The following RBM33 variants were observed in gnomAD, a reference collection of about 807,000 sequenced individuals.
RBM33 encodes RNA-binding protein 33.
RBM33 carries 28 observed loss-of-function variants against 132.6 expected under a neutral mutation model. The observed-to-expected ratio is 0.21, with a 90% CI of 0.16 to 0.29. RBM33 has a LOEUF of 0.29. RBM33 is among the 10% of genes least tolerant of loss of function. The pLI, the probability that RBM33 is intolerant of heterozygous loss-of-function variation, is 1.00. For missense variants in RBM33, 1,291 were observed against 1,518.5 expected (o/e 0.85, Z 2.49); for synonymous variants, 634 against 593.0 (o/e 1.07, Z -1.01).
chr7:155,644,905 G>T lies in RBM33; in HGVS notation c.29G>T (p.Gly10Val). 1 of 1,500,796 alleles carries T rather than the reference G, an allele frequency of 6.7e-7. No individual in the cohort carries two copies. Among genetic ancestry groups the T allele is most frequent in the East Asian group, 2.8e-5 (1 of 36,018 alleles). The allele number at this position is 1,500,796 out of a possible 1,614,324, so 93.0% of individuals were successfully genotyped here. ...GCGGCCGCCCTGGGAGCGAGCGGAG[G>T]AGCAGGCGCCGGAGGTACGTGAGGC... The part of the protein sequence containing the change: MAAALGASG[G>V]AGAGDDDFDQ... Residue 10 changes from glycine (G) to valine (V), a missense_variant, in exon 1 of 18, where the codon GGA (glycine) becomes GTA (valine). This residue lies in a region of RBM33 where 194 missense variants were observed against 249.8 expected (regional missense o/e 0.78). Coordinates refer to ENST00000401878, the MANE Select transcript of RBM33 (RefSeq NM_053043.3).
At position 155,739,771 on chromosome 7, in the gene RBM33, G is replaced by T; in HGVS notation, c.1794G>T (p.Gln598His). 1 of 1,541,262 alleles carries T rather than the reference G, an allele frequency of 6.5e-7. No individual in the cohort carries two copies. Residue 598 changes from glutamine (Q) to histidine (H), a missense_variant, in exon 12 of 18, where the codon CAG becomes CAT. By Grantham distance (24) the Gln-to-His change is conservative. This residue lies in a region of RBM33 where 841 missense variants were observed against 912.0 expected (regional missense o/e 0.92). Transcript: ENST00000401878. ...ATCAGCCTCAGCCTCAGCAACCTCA[G>T]CAACAGCCCCCGCCACAGCACCAGC... Reference protein sequence around the residue: ...PPHQPQPQQPQQQPPPQHQPP... With the variant: ...PPHQPQPQQPHQQPPPQHQPP...
intron 9 of RBM33, among the ~76,000 whole-genome samples, chr7:155,731,279 T>A (rs1019923679): frequency 6.6e-6 from 1 of 152,256 alleles, no homozygotes; most frequent in Non-Finnish European, 1.5e-5. Context: ...TGGCCAGTGC[T>A]GTGGTGCCCA....
In RBM33 at chr7:155,745,176, A is replaced by T; in HGVS notation, c.2553A>T (p.Ser851=). 6.2e-7 allele frequency: 1 copy of T among 1,610,244 alleles called. No homozygotes were observed. The highest frequency in any genetic ancestry group is 8.5e-7 in the Non-Finnish European group (1 of 1,178,212). Reference sequence around the variant, plus strand: ...AGGAAGAGCAGGCACTGTCACCATCACCCACCAACGGTAACCCACTGTTGC... The same window carrying T: ...AGGAAGAGCAGGCACTGTCACCATCTCCCACCAACGGTAACCCACTGTTGC... ...AEQEEQALSP[S]PTNGNPLLPF... The change falls in exon 14 of 18, where the codon TCA becomes TCT. Residue 851 remains serine, a synonymous_variant. Coordinates refer to ENST00000401878, the MANE Select transcript of RBM33 (RefSeq NM_053043.3). The surrounding 1 kb of genome is among the most constrained non-coding windows in gnomAD (Gnocchi z 4.1).
chr7:155,660,684 C>T (rs573846952), intron 1 of RBM33, among the ~76,000 whole-genome samples: 2 of 152,170 alleles, frequency 1.3e-5, no homozygotes, highest in South Asian at 2.1e-4. Context: ...TCTTTGGCTT[C>T]GAAACATTTT....
chr7:155,702,121 C>G (rs1443643653), intron 6 of RBM33, among the ~76,000 whole-genome samples: 1 of 152,206 alleles, frequency 6.6e-6, no homozygotes, highest in Non-Finnish European at 1.5e-5. Flanking sequence ...TGCCTGCCAT[C>G]TGGTCTTGGT....
intron 8 of RBM33, among the ~76,000 whole-genome samples, chr7:155,712,766 G>A (rs763353705): frequency 2.7e-4 from 41 of 152,252 alleles, no homozygotes; most frequent in Non-Finnish European, 8.8e-5. Context: ...AGTGATCAAA[G>A]CAGAGAAGAA....
At position 155,738,137 on chromosome 7, in the gene RBM33, C is replaced by A; in HGVS notation, c.1471C>A (p.Leu491Ile). 3 of 1,614,006 alleles carry A rather than the reference C, an allele frequency of 1.9e-6. No homozygotes were observed. In the South Asian group the frequency reaches 3.3e-5, roughly 18 times the overall value. The change falls in exon 11 of 18, where the codon CTT becomes ATT. Residue 491 changes from leucine to isoleucine, a missense_variant. Leu to Ile is a conservative substitution (Grantham distance 5, BLOSUM62 2). This residue lies in a region of RBM33 where 841 missense variants were observed against 912.0 expected (regional missense o/e 0.92). Coordinates refer to ENST00000401878, the MANE Select transcript of RBM33 (RefSeq NM_053043.3). ...CCCTCCACCACCACCGCCTCCTACC[C>A]TTCTTAACAGTAGCCATCCTGTTCC... ...SPPPPPPPPTLLNSSHPVPTQ... is the reference protein window; with the variant it reads ...SPPPPPPPPTILNSSHPVPTQ...
chr7:155,678,960 TC>T (rs1246712047), intron 4 of RBM33, among the ~76,000 whole-genome samples: 2 of 151,924 alleles, frequency 1.3e-5, no homozygotes, highest in Admixed American at 1.3e-4. Flanking sequence ...TCACTTGAGG[TC>T]AGGAGTTTGA....
At chr7:155,723,722 C>G (rs1214513658) in intron 9 of RBM33, among the ~76,000 whole-genome samples, 1 of 152,186 alleles carries the variant, frequency 6.6e-6, no homozygotes, top group Admixed American at 6.5e-5. Flanking sequence ...GCTAATTAGT[C>G]AAAGGCCAGG....
rs749673228 is a variant in RBM33 at position 155,745,325 on chromosome 7, A to C, written c.2702A>C (p.Gln901Pro). Reference sequence around the variant, plus strand: ...TTTGTACCATCCAGTGCCAACATGCAGTATCAAGGACAACAGATGAAAGCA... The same window carrying C: ...TTTGTACCATCCAGTGCCAACATGCCGTATCAAGGACAACAGATGAAAGCA... Reference protein sequence around the residue: ...SNFVPSSANMQYQGQQMKALK... With the variant: ...SNFVPSSANMPYQGQQMKALK... The change falls in exon 14 of 18, where the codon CAG (glutamine) becomes CCG (proline). Residue 901 changes from glutamine (Q) to proline (P), a missense_variant. Gln to Pro is a moderately conservative substitution (Grantham distance 76). Transcript: ENST00000401878. The surrounding 1 kb of genome is among the most constrained non-coding windows in gnomAD (Gnocchi z 4.1). 1.1e-5 allele frequency: 18 copies of C among 1,613,250 alleles called. No homozygotes were observed. The highest frequency in any genetic ancestry group is 1.7e-6 in the Non-Finnish European group (2 of 1,179,500).
intron 12 of RBM33, among the ~76,000 whole-genome samples, chr7:155,740,907 AAG>A (rs1421938608): frequency 6.6e-6 from 1 of 152,004 alleles, no homozygotes. Flanking sequence ...TTTTTAGAAA[AAG>A]AGACACAGTG....
rs1267003597 is a variant in RBM33, at chr7:155,775,197, T to A, written c.*156T>A. The A allele has an allele frequency of 1.4e-6, 1 of 737,110 alleles. No homozygotes were observed. Among genetic ancestry groups the A allele is most frequent in the East Asian group, 2.7e-5 (1 of 37,566 alleles). The allele number at this position is 737,110 out of a possible 1,614,324, so 45.7% of individuals were successfully genotyped here. Reference sequence around the variant, plus strand: ...GAGCGCCAGCCAGCCACGGGCCTGATTCCAGAGGAGCCGAACTGACAGGAC... The same window carrying A: ...GAGCGCCAGCCAGCCACGGGCCTGAATCCAGAGGAGCCGAACTGACAGGAC... On this transcript the variant is annotated 3_prime_UTR_variant, in exon 18 of 18. Transcript: ENST00000401878.
chr7:155,696,007 G>A (rs916399459), intron 5 of RBM33, among the ~76,000 whole-genome samples: 13 of 152,082 alleles, frequency 8.5e-5, no homozygotes, highest in Non-Finnish European at 1.2e-4. Flanking sequence ...ACTATTTGTT[G>A]TAATGACTTT....
At chr7:155,670,714 T>C (rs1798921716) in intron 2 of RBM33, among the ~76,000 whole-genome samples, 2 of 152,188 alleles carry the variant, frequency 1.3e-5, no homozygotes, top group Admixed American at 6.5e-5. Flanking sequence ...GGCACAGAAG[T>C]GCATTGAGCG....
intron 2 of RBM33, among the ~76,000 whole-genome samples, chr7:155,668,352 G>T (rs1487173630): frequency 6.6e-6 from 1 of 152,100 alleles, no homozygotes; most frequent in East Asian, 1.9e-4. Flanking sequence ...TGCAATTTTT[G>T]TTGAAGAAGC....
At chr7:155,766,784 A>G (rs1191392979) in intron 16 of RBM33, 129 bp downstream of exon 16, 3 of 893,426 alleles carry the variant, frequency 3.4e-6, no homozygotes, top group African/African-American at 3.4e-5. Flanking sequence ...GAAGTAAGAC[A>G]AATAACCTGT....
intron 7 of RBM33, among the ~76,000 whole-genome samples, chr7:155,710,360 G>C (rs1800246416): frequency 1.3e-5 from 2 of 152,170 alleles, no homozygotes; most frequent in South Asian, 4.1e-4. Context: ...TAGTTTATAG[G>C]ATTGTGGGGA....
At position 155,774,435 on chromosome 7, in the gene RBM33, T is replaced by C; in HGVS notation, c.3376-124T>C. ...CAGGGAGCTAGAAAGGAAAATCAATTAGTGTGTTCCAAATGTCCGCCTGGA... is the reference window on the plus strand; with the variant it reads ...CAGGGAGCTAGAAAGGAAAATCAATCAGTGTGTTCCAAATGTCCGCCTGGA... On this transcript the variant is annotated intron_variant, in intron 16 of 17. Transcript: ENST00000401878. This position sits in a 1 kb window ranked among gnomAD's most constrained non-coding sequence, Gnocchi z 4.2. 1.5e-6 allele frequency: 1 copy of C among 660,602 alleles called. No homozygotes were observed. Among genetic ancestry groups the C allele is most frequent in the Non-Finnish European group, 2.6e-6 (1 of 385,874 alleles). The allele number at this position is 660,602 out of a possible 1,614,324, so 40.9% of individuals were successfully genotyped here. A position where few individuals can be genotyped will look rare whatever the true frequency, so the allele number is the denominator to read the frequency against.
intron 14 of RBM33, among the ~76,000 whole-genome samples, chr7:155,747,529 C>T (rs1221340650): frequency 6.6e-6 from 1 of 152,240 alleles, no homozygotes; most frequent in Admixed American, 6.5e-5. Flanking sequence ...CACTCATAAA[C>T]AGCTTTCCTT....
Sources: gnomAD v4.1 joint callset for allele counts (sites outside exome capture counted in the v4.1 genomes callset) on GRCh38, gnomAD v4.1.1 for gene constraint, gnomAD v4.1.1 regional missense constraint, Gnocchi (gnomAD v3.1) non-coding constraint, MANE v1.5 for transcripts, NCBI Gene and HGNC (gene_info 2026-07-23, HGNC 2026-07-21) for gene names.